FAM117B: variants seen among roughly 807,000 people sequenced by gnomAD.
FAM117B encodes the protein family with sequence similarity 117 member B, also known as protein FAM117B.
FAM117B carries 22 observed loss-of-function variants against 52.8 expected under a neutral mutation model. The observed-to-expected ratio is 0.42, with a 90% CI of 0.30 to 0.59. The LOEUF (loss-of-function observed/expected upper bound fraction) is 0.59. Ranked by LOEUF, FAM117B falls within the 20% of genes least tolerant of loss-of-function variation. The probability of loss-of-function intolerance (pLI) is 0.22; values close to 1 mark genes in which losing one functional copy is unlikely to be tolerated. For synonymous variants in FAM117B, 309 were observed against 324.1 expected, an observed-to-expected ratio of 0.95 and a Z score of 0.50; for missense variants, 678 against 802.6, an observed-to-expected ratio of 0.84 and a Z score of 1.88.
chr2:202,662,164 G>A (rs1293501939), intron 1 of FAM117B, among the ~76,000 whole-genome samples: 4 of 151,868 alleles, frequency 2.6e-5, no homozygotes, highest in African/African-American at 7.3e-5. Context: ...GTGTGTGTAC[G>A]TGTACAGACT....
intron 1 of FAM117B, among the ~76,000 whole-genome samples, chr2:202,642,743 C>T (rs1464978362): frequency 6.6e-6 from 1 of 152,124 alleles, no homozygotes; most frequent in African/African-American, 2.4e-5. Flanking sequence ...ATTCATTTAA[C>T]ATGTACATCA....
intron 4 of FAM117B, among the ~76,000 whole-genome samples, chr2:202,733,630 A>C (rs570381086): frequency 6.6e-6 from 1 of 152,336 alleles, no homozygotes; most frequent in East Asian, 1.9e-4. Context: ...TGTAAGAAGA[A>C]AAATATGGCT....
At position 202,661,780 on chromosome 2, in the gene FAM117B, G is replaced by A. The variant is rs147574808; in HGVS notation, c.601+25992G>A. 3.0e-3 allele frequency among the ~76,000 whole-genome samples: 453 copies of A among 152,198 alleles called. 3 individuals carry two copies. Among genetic ancestry groups the A allele is most frequent in the African/African-American group, 0.011 (438 of 41,526 alleles). ...AAAATACAAAAATTAGCCGGGCATG[G>A]TGGCGCGTGCCTGTAATCCCAGCTA... On this transcript the variant is annotated intron_variant, in intron 1 of 7. Coordinates refer to ENST00000392238, the MANE Select transcript of FAM117B (RefSeq NM_173511.4).
intron 5 of FAM117B, among the ~76,000 whole-genome samples, chr2:202,755,994 A>G (rs570984943): frequency 1.3e-5 from 2 of 152,344 alleles, no homozygotes; most frequent in East Asian, 1.9e-4. Flanking sequence ...TAGCTTACTA[A>G]TTATGGGGGG....
chr2:202,647,625 T>C (rs577814154), intron 1 of FAM117B, among the ~76,000 whole-genome samples: 34 of 152,342 alleles, frequency 2.2e-4, no homozygotes, highest in Middle Eastern at 3.4e-3. Context: ...GACAAGACTT[T>C]ATTCTTTCCA....
chr2:202,665,374 G>A (rs1474829797), intron 1 of FAM117B, among the ~76,000 whole-genome samples: 1 of 151,814 alleles, frequency 6.6e-6, no homozygotes, highest in African/African-American at 2.4e-5. Flanking sequence ...CTCTCATATA[G>A]AATCTTTTTT....
intron 4 of FAM117B, among the ~76,000 whole-genome samples, chr2:202,743,195 C>T (rs1399176970): frequency 2.0e-5 from 3 of 152,202 alleles, no homozygotes; most frequent in Non-Finnish European, 4.4e-5. Context: ...GAGGACTAGC[C>T]TGGCTAGTAT....
chr2:202,666,839 G>T (rs1435877755), intron 1 of FAM117B, among the ~76,000 whole-genome samples: 1 of 151,378 alleles, frequency 6.6e-6, no homozygotes. Flanking sequence ...TAGAGATAGG[G>T]TTTCACCGTG....
intron 1 of FAM117B, among the ~76,000 whole-genome samples, chr2:202,639,080 G>C (rs1336145330): frequency 1.3e-5 from 2 of 152,190 alleles, no homozygotes; most frequent in Non-Finnish European, 2.9e-5. Context: ...GCTACCACCA[G>C]TTTGCAGCTG....
At chr2:202,640,752 G>C (rs1689758806) in intron 1 of FAM117B, among the ~76,000 whole-genome samples, 1 of 151,922 alleles carries the variant, frequency 6.6e-6, no homozygotes, top group Admixed American at 6.6e-5. Context: ...TGGGACTACA[G>C]GTACATGCCA....
rs869272027 is a variant in FAM117B, at chr2:202,766,101, CA to C, written c.*338del. ...ACACACACACACACACACACACACA[CA>C]CACACCCCTGATCCTTGCCAACATG... On this transcript the variant is annotated 3_prime_UTR_variant, in exon 8 of 8. Transcript: ENST00000392238. 4.7e-3 allele frequency: 1,051 copies of C among 224,582 alleles called. 3 individuals carry two copies. Among genetic ancestry groups the C allele is most frequent in the Middle Eastern group, 0.011 (7 of 614 alleles). The allele number at this position is 224,582 out of a possible 1,614,324, so 13.9% of individuals were successfully genotyped here. A position where few individuals can be genotyped will look rare whatever the true frequency, so the allele number is the denominator to read the frequency against.
At chr2:202,740,674 C>G (rs1691519058) in intron 4 of FAM117B, among the ~76,000 whole-genome samples, 1 of 152,070 alleles carries the variant, frequency 6.6e-6, no homozygotes, top group Non-Finnish European at 1.5e-5. Flanking sequence ...TGGTCTGTAG[C>G]TATTGAGCCA....
chr2:202,644,064 G>GTTTGTTTTTTTTTTTTTTT (rs1689816805), intron 1 of FAM117B, among the ~76,000 whole-genome samples: 1 of 95,138 alleles, frequency 1.1e-5, no homozygotes, highest in African/African-American at 4.5e-5. Context: ...TTTTTTTTTT[G>GTTTGTTTTTTTTTTTTTTT]TTTTTTTTTT....
At chr2:202,759,392 A>T (rs370474225) in intron 7 of FAM117B, 39 bp downstream of exon 7, 1 of 1,594,120 alleles carries the variant, frequency 6.3e-7, no homozygotes, top group Admixed American at 1.8e-5. Context: ...AAAAACTATT[A>T]TGAGCTTTTT....
At position 202,766,081 on chromosome 2, in the gene FAM117B, CACACACACACACACACACACA is replaced by C. The variant is rs1691974463; in HGVS notation, c.*318_*338del. 8.7e-6 allele frequency: 2 copies of C among 230,738 alleles called. No homozygotes were observed. The highest frequency in any genetic ancestry group is 1.7e-5 in the Non-Finnish European group (2 of 116,854). The allele number at this position is 230,738 out of a possible 1,614,324, so 14.3% of individuals were successfully genotyped here. A position where few individuals can be genotyped will look rare whatever the true frequency, so the allele number is the denominator to read the frequency against. ...TTTAAAACACACACACACACACACA[CACACACACACACACACACACA>C]CACACCCCTGATCCTTGCCAACATG... On this transcript the variant is annotated 3_prime_UTR_variant, in exon 8 of 8. Coordinates refer to ENST00000392238, the MANE Select transcript of FAM117B (RefSeq NM_173511.4).
chr2:202,756,364 A>G (rs1175180302), intron 5 of FAM117B, among the ~76,000 whole-genome samples: 1 of 151,976 alleles, frequency 6.6e-6, no homozygotes, highest in Admixed American at 6.6e-5. Flanking sequence ...CAGTGAGCTG[A>G]GATCGAAAAA....
At chr2:202,640,134 G>C (rs1485023721) in intron 1 of FAM117B, among the ~76,000 whole-genome samples, 1 of 151,038 alleles carries the variant, frequency 6.6e-6, no homozygotes, top group African/African-American at 2.4e-5. Context: ...AGACAGGTGT[G>C]GTGGCAGGCG....
At chr2:202,641,353 A>T (rs939445860) in intron 1 of FAM117B, among the ~76,000 whole-genome samples, 3 of 152,144 alleles carry the variant, frequency 2.0e-5, no homozygotes, top group African/African-American at 7.2e-5. Flanking sequence ...GGGAGAGCGG[A>T]AATAGTAGAG....
intron 4 of FAM117B, among the ~76,000 whole-genome samples, chr2:202,734,710 T>C (rs1461394467): frequency 2.0e-5 from 3 of 152,232 alleles, no homozygotes; most frequent in Non-Finnish European, 2.9e-5. Flanking sequence ...TAAAATGTTA[T>C]AAAACTCTTT....
Sources: gnomAD v4.1 joint callset for allele counts (sites outside exome capture counted in the v4.1 genomes callset) on GRCh38, gnomAD v4.1.1 for gene constraint, MANE v1.5 for transcripts, NCBI Gene and HGNC (gene_info 2026-07-23, HGNC 2026-07-21) for gene names.